The following SNRNP48 variants were observed in gnomAD, a reference collection of about 807,000 sequenced individuals.
SNRNP48 encodes the protein small nuclear ribonucleoprotein U11/U12 subunit 48, also known as U11/U12 small nuclear ribonucleoprotein 48 kDa protein.
In SNRNP48, 43 loss-of-function variants were observed where a neutral mutation model predicts 47.0. That is an observed-to-expected ratio of 0.92 (90% CI 0.72 to 1.18). SNRNP48 has a LOEUF of 1.18. SNRNP48 is among the 50% of genes most tolerant of loss of function. The pLI is 0.00. For synonymous variants in SNRNP48, 138 were observed against 144.0 expected (o/e 0.96, Z 0.30); for missense variants, 396 against 422.2 (o/e 0.94, Z 0.54).
chr6:7,596,820 T>C (rs1329411738), intron 4 of SNRNP48, among the ~76,000 whole-genome samples: 1 of 152,206 alleles, frequency 6.6e-6, no homozygotes, highest in Non-Finnish European at 1.5e-5. Context: ...CCCCTGGTAG[T>C]GTACCCATAA....
rs759543701 is a variant in SNRNP48 at position 7,605,504 on chromosome 6, T to C, written c.806+18T>C. 3.1e-6 allele frequency: 5 copies of C among 1,598,480 alleles called. No individual in the cohort carries two copies. Among genetic ancestry groups the C allele is most frequent in the Non-Finnish European group, 3.4e-6 (4 of 1,166,574 alleles). On this transcript the variant is annotated intron_variant, in intron 7 of 8. Transcript: ENST00000342415. Reference sequence around the variant, plus strand: ...GCCGAAAAGTACGTCATTATCTTTATTGGTGAAAATACTCTCTCTTTGATA... The same window carrying C: ...GCCGAAAAGTACGTCATTATCTTTACTGGTGAAAATACTCTCTCTTTGATA...
At position 7,611,027 on chromosome 6, in the gene SNRNP48, T is replaced by TC. The variant is rs879539649; in HGVS notation, c.*2156dup. On this transcript the variant is annotated 3_prime_UTR_variant, in exon 9 of 9. Transcript: ENST00000342415. ...CTATGAATAATTACTATAGCTGCTG[T>TC]CCATCTTGCCCATCCATTAAGGTAC... The TC allele has an allele frequency of 2.0e-5, 3 of 152,222 alleles. No homozygotes were observed. Among genetic ancestry groups the TC allele is most frequent in the Non-Finnish European group, 4.4e-5 (3 of 68,060 alleles). 9.4% of individuals were successfully genotyped at this position (152,222 alleles called of 1,614,324 possible). A position where few individuals can be genotyped will look rare whatever the true frequency, so the allele number is the denominator to read the frequency against.
At chr6:7,596,913 A>T (rs1759914126) in intron 4 of SNRNP48, among the ~76,000 whole-genome samples, 1 of 152,186 alleles carries the variant, frequency 6.6e-6, no homozygotes, top group African/African-American at 2.4e-5. Flanking sequence ...GATTTACTGA[A>T]TTTTAGAGTT....
At chr6:7,598,723 T>C (rs1475621042) in intron 4 of SNRNP48, among the ~76,000 whole-genome samples, 2 of 152,240 alleles carry the variant, frequency 1.3e-5, no homozygotes, top group African/African-American at 2.4e-5. Context: ...CACACTACAA[T>C]GTAAGTTTTT....
chr6:7,590,451 C>T, intron 1 of SNRNP48, 38 bp downstream of exon 1: 1 of 1,272,072 alleles, frequency 7.9e-7, no homozygotes, highest in Non-Finnish European at 1.0e-6. Flanking sequence ...CGGGGACTAT[C>T]GGCCCGGGGT....
At chr6:7,595,349 A>T (rs1377710267) in intron 4 of SNRNP48, among the ~76,000 whole-genome samples, 1 of 151,522 alleles carries the variant, frequency 6.6e-6, no homozygotes, top group East Asian at 1.9e-4. Flanking sequence ...TTACCTGGCG[A>T]TTTATAGGTG....
chr6:7,601,469 A>G lies in SNRNP48; in HGVS notation c.540A>G (p.Gln180=), dbSNP rs372240701. ...CAAAGAAAAAGCGCTCTGATTCTCA[A>G]ATTATTGAAAATGACAGCGATCTCT... ...EETKKKRSDS[Q]IIENDSDLFV... Residue 180 remains glutamine (Q), a synonymous_variant, in exon 5 of 9, where the codon CAA becomes CAG. Transcript: ENST00000342415. 1.9e-5 allele frequency: 30 copies of G among 1,599,570 alleles called. No homozygotes were observed. Among genetic ancestry groups the G allele is most frequent in the South Asian group, 4.6e-5 (4 of 87,672 alleles).
At chr6:7,602,273 T>C (rs1330706321) in intron 5 of SNRNP48, among the ~76,000 whole-genome samples, 1 of 152,200 alleles carries the variant, frequency 6.6e-6, no homozygotes, top group Non-Finnish European at 1.5e-5. Flanking sequence ...GATTTTGATA[T>C]CCTTGGGGGT....
At chr6:7,602,562 A>T (rs1489731377) in intron 5 of SNRNP48, 61 bp from the exon 6 acceptor site, 12 of 1,283,612 alleles carry the variant, frequency 9.3e-6, no homozygotes, top group Non-Finnish European at 1.3e-5. Context: ...TATTTATTTG[A>T]TAATTCATAG....
chr6:7,594,097 A>G lies in SNRNP48; in HGVS notation c.271-2A>G. On this transcript the variant is annotated splice_acceptor_variant, in intron 2 of 8. Transcript: ENST00000342415. LOFTEE classifies it high-confidence loss of function. ...AAGAACAGTAAGATTCTTTTTTTTC[A>G]GGATGAAATGTATAATCCTGAGTTT... 7.0e-7 allele frequency: 1 copy of G among 1,429,934 alleles called. No individual in the cohort carries two copies. The allele number at this position is 1,429,934 out of a possible 1,614,324, so 88.6% of individuals were successfully genotyped here.
intron 7 of SNRNP48, 96 bp from the exon 8 acceptor site, chr6:7,605,935 G>T: frequency 1.6e-6 from 2 of 1,265,794 alleles, no homozygotes; most frequent in Non-Finnish European, 2.2e-6. Flanking sequence ...CCATTGGTTT[G>T]ATATAGAATA....
chr6:7,590,267 G>A lies in SNRNP48; in HGVS notation c.10G>A (p.Glu4Lys). The change falls in exon 1 of 9, where the codon GAG (glutamate) becomes AAG (lysine). Residue 4 changes from glutamate to lysine, a missense_variant. Coordinates refer to ENST00000342415, the MANE Select transcript of SNRNP48 (RefSeq NM_152551.4). ...CGGGTGGGCTGCAGCTATGGAGGGCGAGCCTCCACCTGTGGAGGAGCGGCG... is the reference window on the plus strand; with the variant it reads ...CGGGTGGGCTGCAGCTATGGAGGGCAAGCCTCCACCTGTGGAGGAGCGGCG... MEG[E>K]PPPVEERRRL... 3 of 1,340,708 alleles carry A rather than the reference G, an allele frequency of 2.2e-6. No homozygotes were observed. The highest frequency in any genetic ancestry group is 2.3e-5 in the South Asian group (1 of 43,974). 83.1% of individuals were successfully genotyped at this position (1,340,708 alleles called of 1,614,324 possible). A position where few individuals can be genotyped will look rare whatever the true frequency, so the allele number is the denominator to read the frequency against.
chr6:7,590,286 A>AACG lies in SNRNP48; in HGVS notation c.29_30insACG (p.Arg13dup). 1 of 1,373,126 alleles carries AACG rather than the reference A, an allele frequency of 7.3e-7. No individual in the cohort carries two copies. 85.1% of individuals were successfully genotyped at this position (1,373,126 alleles called of 1,614,324 possible). ...GAGGGCGAGCCTCCACCTGTGGAGG[A>AACG]GCGGCGGCGGCTGCAGGAGGAGCTG... On this transcript the variant is annotated inframe_insertion, in exon 1 of 9. Coordinates refer to ENST00000342415, the MANE Select transcript of SNRNP48 (RefSeq NM_152551.4).
intron 8 of SNRNP48, among the ~76,000 whole-genome samples, chr6:7,606,895 A>C (rs1014772532): frequency 2.0e-5 from 3 of 152,068 alleles, no homozygotes; most frequent in African/African-American, 7.2e-5. Context: ...ACTTCCTTCC[A>C]CTCCTTATCA....
Position 7,601,411 on chromosome 6 carries a change from G to C in SNRNP48, c.482G>C (p.Arg161Pro). 6.2e-7 allele frequency: 1 copy of C among 1,603,034 alleles called. No individual in the cohort carries two copies. The highest frequency in any genetic ancestry group is 1.1e-5 in the South Asian group (1 of 88,286). Residue 161 changes from arginine to proline, a missense_variant, in exon 5 of 9, where the codon CGT (arginine) becomes CCT (proline). Physicochemically the swap from Arg to Pro is moderately radical, Grantham distance 103 (BLOSUM62 -2). Coordinates refer to ENST00000342415, the MANE Select transcript of SNRNP48 (RefSeq NM_152551.4). Reference protein sequence around the residue: ...RFVCDLTQADRLALYDFVVEE... With the variant: ...RFVCDLTQADPLALYDFVVEE... ...GTTTGTGATCTAACTCAAGCTGATCGTCTTGCCCTCTATGATTTCGTAGTT... is the reference window on the plus strand; with the variant it reads ...GTTTGTGATCTAACTCAAGCTGATCCTCTTGCCCTCTATGATTTCGTAGTT...
Position 7,611,705 on chromosome 6 carries a change from T to G in SNRNP48, c.*2832T>G, listed in dbSNP as rs1760238997. On this transcript the variant is annotated 3_prime_UTR_variant, in exon 9 of 9. Transcript: ENST00000342415. Reference sequence around the variant, plus strand: ...TGTATGCTACAGTACAGACATTAATTCTATAAACATGTTCATAGGTCTTCC... The same window carrying G: ...TGTATGCTACAGTACAGACATTAATGCTATAAACATGTTCATAGGTCTTCC... 6.6e-6 allele frequency: 1 copy of G among 152,228 alleles called. No homozygotes were observed. Among genetic ancestry groups the G allele is most frequent in the Non-Finnish European group, 1.5e-5 (1 of 68,038 alleles). The allele number at this position is 152,228 out of a possible 1,614,324, so 9.4% of individuals were successfully genotyped here. A position where few individuals can be genotyped will look rare whatever the true frequency, so the allele number is the denominator to read the frequency against.
chr6:7,594,087 CT>C lies in SNRNP48; in HGVS notation c.271-4del. ...TCTGATACTTAAGAACAGTAAGATT[CT>C]TTTTTTTCAGGATGAAATGTATAAT... On this transcript the variant is annotated splice_polypyrimidine_tract_variant and intron_variant, in intron 2 of 8. Coordinates refer to ENST00000342415, the MANE Select transcript of SNRNP48 (RefSeq NM_152551.4). The C allele has an allele frequency of 3.5e-5, 49 of 1,395,698 alleles. No homozygotes were observed. Among genetic ancestry groups the C allele is most frequent in the Middle Eastern group, 1.8e-4 (1 of 5,546 alleles). 86.5% of individuals were successfully genotyped at this position (1,395,698 alleles called of 1,614,324 possible). A position where few individuals can be genotyped will look rare whatever the true frequency, so the allele number is the denominator to read the frequency against.
rs1389996099 is a variant in SNRNP48, at chr6:7,610,543, A to T, written c.*1670A>T. On this transcript the variant is annotated 3_prime_UTR_variant, in exon 9 of 9. Transcript: ENST00000342415. ...TGTGACAACTTATAATTTTGTTTCA[A>T]ATTGTGATTTCATTGATTTTACTAA... is the stretch of plus-strand genomic sequence containing the variant. 6.6e-6 allele frequency: 1 copy of T among 152,160 alleles called. No individual in the cohort carries two copies. 9.4% of individuals were successfully genotyped at this position (152,160 alleles called of 1,614,324 possible).
intron 8 of SNRNP48, among the ~76,000 whole-genome samples, chr6:7,608,354 C>T (rs1016103513): frequency 6.6e-5 from 10 of 151,950 alleles, no homozygotes; most frequent in African/African-American, 7.3e-5. Context: ...GTCAGGAGTT[C>T]GAGACCAGCC....
Sources: allele counts gnomAD v4.1 joint callset (sites outside exome capture counted in the v4.1 genomes callset), GRCh38; gene constraint gnomAD v4.1.1; transcripts MANE v1.5; gene names NCBI Gene and HGNC (gene_info 2026-07-23, HGNC 2026-07-21).